Variants in PKD1L1 observed in about 807,000 individuals in gnomAD.
PKD1L1 encodes the protein polycystin-1-like protein 1.
Under a neutral mutation model 323.4 loss-of-function variants are expected in PKD1L1, and 236 were observed. The ratio of observed to expected loss-of-function variants is 0.73; its 90% confidence interval spans 0.66 to 0.81. PKD1L1 has a LOEUF of 0.81. PKD1L1 is among the 40% of genes least tolerant of loss of function. The pLI, the probability that PKD1L1 is intolerant of heterozygous loss-of-function variation, is 0.00. For synonymous variants in PKD1L1, 1,344 were observed against 1,335.0 expected (o/e 1.01, Z -0.15); for missense variants, 3,320 against 3,508.0 (o/e 0.95, Z 1.35).
At chr7:47,935,669 C>T (rs898564759) in intron 4 of PKD1L1, among the ~76,000 whole-genome samples, 12 of 152,220 alleles carry the variant, frequency 7.9e-5, no homozygotes, top group African/African-American at 2.9e-4. Flanking sequence ...CGTCCATTGG[C>T]ACAGGTTGGA....
the PKD1L1 span, among the ~76,000 whole-genome samples, chr7:47,958,475 A>T: frequency 6.6e-6 from 1 of 152,230 alleles, no homozygotes; most frequent in Non-Finnish European, 1.5e-5. Flanking sequence ...AAGACCTGAA[A>T]CTATGAAACT....
At chr7:47,845,235 TA>T (rs560176189) in intron 32 of PKD1L1, among the ~76,000 whole-genome samples, 157 bp from the exon 33 acceptor site, 16 of 152,260 alleles carry the variant, frequency 1.1e-4, no homozygotes, top group Non-Finnish European at 1.8e-4. Flanking sequence ...ACCTGACACC[TA>T]AGTTAGAAAT....
intron 19 of PKD1L1, among the ~76,000 whole-genome samples, chr7:47,883,834 G>T (rs958429706): frequency 6.6e-6 from 1 of 152,158 alleles, no homozygotes; most frequent in Non-Finnish European, 1.5e-5. Flanking sequence ...CATCAAATAA[G>T]TCATTTACCT....
At chr7:47,842,211 C>A (rs972793002) in intron 34 of PKD1L1, among the ~76,000 whole-genome samples, 2 of 152,174 alleles carry the variant, frequency 1.3e-5, no homozygotes, top group African/African-American at 4.8e-5. Context: ...TTTAAATATA[C>A]AGTTGGTAGA....
At chr7:47,826,063 C>A (rs1011277939) in intron 45 of PKD1L1, among the ~76,000 whole-genome samples, 4 of 152,254 alleles carry the variant, frequency 2.6e-5, no homozygotes, top group African/African-American at 9.6e-5. Context: ...CCAGACCTTG[C>A]ACTCACCTGT....
At chr7:47,957,557 G>T in the PKD1L1 span, among the ~76,000 whole-genome samples, 1 of 152,106 alleles carries the variant, frequency 6.6e-6, no homozygotes, top group Admixed American at 6.5e-5. Flanking sequence ...TGCCCACGCT[G>T]AAGTGCAGTG....
At chr7:47,810,276 C>G (rs1188789715) in intron 50 of PKD1L1, among the ~76,000 whole-genome samples, 1 of 152,224 alleles carries the variant, frequency 6.6e-6, no homozygotes, top group African/African-American at 2.4e-5. Context: ...AGGTGTTTAA[C>G]AGCAGTGCTG....
At chr7:47,837,128 A>G (rs752894548) in intron 36 of PKD1L1, 34 bp from the exon 37 acceptor site, 21 of 1,608,742 alleles carry the variant, frequency 1.3e-5, no homozygotes, top group African/African-American at 9.4e-5. Context: ...GTTCCCTGAC[A>G]TGGAGCATTT....
Position 47,936,876 on chromosome 7 carries a change from G to A in PKD1L1, c.368C>T (p.Ala123Val), listed in dbSNP as rs370336893. 2.6e-5 allele frequency: 42 copies of A among 1,613,366 alleles called. No homozygotes were observed. In the East Asian group the frequency reaches 2.9e-4, roughly 11 times the overall value. Residue 123 changes from alanine to valine, a missense_variant, in exon 4 of 57, where the codon GCG becomes GTG. Transcript: ENST00000289672. ...TQAVVNEKTQ[A>V]PLDCDNSADR... ...AGCACTGTTATCACAATCCAGAGGC[G>A]CCTGTGTTTTTTCATTAACAACAGC...
At chr7:47,823,604 T>C (rs967469304) in intron 45 of PKD1L1, among the ~76,000 whole-genome samples, 1 of 152,188 alleles carries the variant, frequency 6.6e-6, no homozygotes, top group Non-Finnish European at 1.5e-5. Context: ...TAGATGATGG[T>C]GTTTTCCCAC....
rs1328241084 is a variant in PKD1L1 at position 47,876,327 on chromosome 7, C to T, written c.3664-110G>A. The T allele has an allele frequency of 7.0e-6, 9 of 1,287,608 alleles. No homozygotes were observed. In the East Asian group the frequency reaches 1.7e-4, roughly 24 times the overall value. The allele number at this position is 1,287,608 out of a possible 1,614,324, so 79.8% of individuals were successfully genotyped here. On this transcript the variant is annotated intron_variant, in intron 22 of 56. Coordinates refer to ENST00000289672, the MANE Select transcript of PKD1L1 (RefSeq NM_138295.5). ...TTCATTGTACCAAGGACATTCTTTA[C>T]AGCCAGGAAGAGGGTAAGTGACAGG...
At chr7:47,788,561 T>TTATA (rs143159052) in intron 56 of PKD1L1, among the ~76,000 whole-genome samples, 69 of 133,174 alleles carry the variant, frequency 5.2e-4, no homozygotes, top group African/African-American at 1.4e-3. Flanking sequence ...CCCAGCCCAG[T>TTATA]TATATATATA....
chr7:47,908,293 A>G (rs1228507484), intron 8 of PKD1L1, 43 bp from the exon 9 acceptor site: 6 of 1,545,918 alleles, frequency 3.9e-6, no homozygotes, highest in South Asian at 1.1e-5. Context: ...AATTTTTAAT[A>G]ACAAGCATAA....
intron 56 of PKD1L1, among the ~76,000 whole-genome samples, chr7:47,782,829 T>C (rs1034638304): frequency 2.0e-5 from 3 of 152,190 alleles, no homozygotes; most frequent in Non-Finnish European, 2.9e-5. Context: ...CAACTATATG[T>C]TGAGTAATAA....
At chr7:47,878,455 C>T (rs542585432) in intron 21 of PKD1L1, among the ~76,000 whole-genome samples, 10 of 152,278 alleles carry the variant, frequency 6.6e-5, no homozygotes, top group African/African-American at 2.4e-4. Flanking sequence ...TGATCATCAT[C>T]CTCATCGTAA....
chr7:47,886,413 C>T (rs996528577), intron 17 of PKD1L1, among the ~76,000 whole-genome samples: 2 of 152,026 alleles, frequency 1.3e-5, no homozygotes, highest in African/African-American at 4.8e-5. Context: ...TCTCTTAATC[C>T]TCACTCCCCT....
intron 23 of PKD1L1, among the ~76,000 whole-genome samples, chr7:47,874,722 A>AAGG (rs1786366223): frequency 1.3e-5 from 2 of 151,748 alleles, no homozygotes; most frequent in African/African-American, 4.9e-5. Flanking sequence ...AGAAAATCCC[A>AAGG]AAGGAGCAGT....
chr7:47,835,111 C>G (rs568038314), intron 38 of PKD1L1, 22 bp downstream of exon 38: 1 of 1,602,560 alleles, frequency 6.2e-7, no homozygotes, highest in Non-Finnish European at 8.5e-7. Context: ...AGAACAGGGC[C>G]ATGAGGACAA....
chr7:47,880,443 G>A (rs970144308), intron 21 of PKD1L1, among the ~76,000 whole-genome samples: 3 of 150,236 alleles, frequency 2.0e-5, no homozygotes, highest in African/African-American at 4.9e-5. Flanking sequence ...CACCATGCCC[G>A]GCAAATTTTT....
Sources: gnomAD v4.1 joint callset for allele counts (sites outside exome capture counted in the v4.1 genomes callset) on GRCh38, gnomAD v4.1.1 for gene constraint, MANE v1.5 for transcripts, NCBI Gene and HGNC (gene_info 2026-07-23, HGNC 2026-07-21) for gene names.